ERICH3: variants seen among roughly 807,000 people sequenced by gnomAD.
ERICH3 encodes the protein glutamate-rich protein 3.
Under a neutral mutation model 131.1 loss-of-function variants are expected in ERICH3, and 126 were observed. The ratio of observed to expected loss-of-function variants is 0.96; its 90% confidence interval spans 0.83 to 1.11. The LOEUF (loss-of-function observed/expected upper bound fraction) is 1.11. Ranked by LOEUF, ERICH3 falls within the 50% of genes most tolerant of loss-of-function variation. The pLI is 0.00. For synonymous variants in ERICH3, 695 were observed against 644.6 expected, an observed-to-expected ratio of 1.08 and a Z score of -1.18; for missense variants, 2,050 against 1,810.7, an observed-to-expected ratio of 1.13 and a Z score of -2.40.
At chr1:74,582,929 A>ATT (rs76381263) in intron 12 of ERICH3, among the ~76,000 whole-genome samples, 2 of 151,894 alleles carry the variant, frequency 1.3e-5, no homozygotes, top group East Asian at 3.9e-4. Flanking sequence ...CTCTTTTCTG[A>ATT]TTTTTTTGTA....
At chr1:74,598,522 G>T (rs1647963133) in intron 11 of ERICH3, among the ~76,000 whole-genome samples, 1 of 151,704 alleles carries the variant, frequency 6.6e-6, no homozygotes, top group Non-Finnish European at 1.5e-5. Flanking sequence ...AAAAAAAATT[G>T]AATGAAAGCA....
intron 6 of ERICH3, 32 bp downstream of exon 6, chr1:74,636,248 A>T: frequency 6.6e-7 from 1 of 1,520,420 alleles, no homozygotes; most frequent in Non-Finnish European, 8.9e-7. Flanking sequence ...CTCAAAAATT[A>T]AAATATATTT....
chr1:74,620,718 C>T lies in ERICH3; in HGVS notation c.1000+16G>A. On this transcript the variant is annotated intron_variant, in intron 8 of 14. Coordinates refer to ENST00000326665, the MANE Select transcript of ERICH3 (RefSeq NM_001002912.5). ...CAACTCCAAGCAATTAAAAAACATT[C>T]ACATTTTATGTGTACCTTTTTCAAG... The T allele has an allele frequency of 1.9e-6, 3 of 1,560,922 alleles. No individual in the cohort carries two copies. Among genetic ancestry groups the T allele is most frequent in the Non-Finnish European group, 2.6e-6 (3 of 1,153,892 alleles).
Position 74,571,271 on chromosome 1 carries a change from C to A in ERICH3, c.4439G>T (p.Arg1480Leu). 6.2e-7 allele frequency: 1 copy of A among 1,614,098 alleles called. No individual in the cohort carries two copies. The highest frequency in any genetic ancestry group is 8.5e-7 in the Non-Finnish European group (1 of 1,180,008). ...AAEKFRLGLS[R>L]EGERELSPES... ...CGGACTCAATTCCCTCTCTCCCTCC[C>A]GTGATAATCCTAATCGGAATTTTTC... The change falls in exon 14 of 15, where the codon CGG (arginine) becomes CTG (leucine). Residue 1480 changes from arginine (R) to leucine (L), a missense_variant. Transcript: ENST00000326665.
chr1:74,635,577 T>C lies in ERICH3; in HGVS notation c.603+703A>G, dbSNP rs1042527830. 2.0e-5 allele frequency among the ~76,000 whole-genome samples: 3 copies of C among 152,136 alleles called. No homozygotes were observed. The East Asian group carries it at 5.8e-4, about 29-fold the overall frequency. On this transcript the variant is annotated intron_variant, in intron 6 of 14. Transcript: ENST00000326665. Reference sequence around the variant, plus strand: ...CAATTGTACTCATGTCGCAGGTTTTTTCTTAAGCTGGCAAAATTTTCTTCA... The same window carrying C: ...CAATTGTACTCATGTCGCAGGTTTTCTCTTAAGCTGGCAAAATTTTCTTCA...
upstream of ERICH3, among the ~76,000 whole-genome samples, chr1:74,674,175 T>C (rs912747679): frequency 2.0e-5 from 3 of 152,198 alleles, no homozygotes; most frequent in Non-Finnish European, 4.4e-5. Flanking sequence ...TACAATCGAC[T>C]CATTTTCTCC....
chr1:74,647,864 G>T (rs560601204), intron 2 of ERICH3, among the ~76,000 whole-genome samples: 1 of 152,212 alleles, frequency 6.6e-6, no homozygotes, highest in Admixed American at 6.5e-5. Context: ...GAAGAAAGAG[G>T]TATACCTATA....
At chr1:74,586,687 A>G (rs1250778002) in intron 12 of ERICH3, among the ~76,000 whole-genome samples, 1 of 152,288 alleles carries the variant, frequency 6.6e-6, no homozygotes, top group Admixed American at 6.5e-5. Context: ...AGTAAGAAAA[A>G]ATATAAATGT....
rs548494872 is a variant in ERICH3 at position 74,660,706 on chromosome 1, A to ATATATAATATATATATAATATG, written c.24-11392_24-11391insCATATTATATATATATTATATA. ...TATATAATATATATATTATGTGTGT[A>ATATATAATATATATATAATATG]TATATACATATACACATAAATACTT... On this transcript the variant is annotated intron_variant, in intron 1 of 14. Coordinates refer to ENST00000326665, the MANE Select transcript of ERICH3 (RefSeq NM_001002912.5). 7.5e-4 allele frequency among the ~76,000 whole-genome samples: 112 copies of ATATATAATATATATATAATATG among 149,492 alleles called. 1 individual carries two copies. In the East Asian group the frequency reaches 0.021, roughly 27 times the overall value.
intron 1 of ERICH3, among the ~76,000 whole-genome samples, chr1:74,651,669 T>C (rs761199394): frequency 6.6e-6 from 1 of 152,280 alleles, no homozygotes; most frequent in East Asian, 1.9e-4. Flanking sequence ...ATATCATATA[T>C]AGTCTTTTGT....
rs758775130 is a variant in ERICH3 at position 74,590,098 on chromosome 1, G to T, written c.1727-18C>A. The stretch of plus-strand genomic sequence containing the variant: ...TTTCATATCTACAAAAAATAAAAGT[G>T]ATGACATTGTTGTTGTTCTGTAAAG... On this transcript the variant is annotated intron_variant, in intron 11 of 14. Coordinates refer to ENST00000326665, the MANE Select transcript of ERICH3 (RefSeq NM_001002912.5). The T allele has an allele frequency of 1.9e-6, 3 of 1,540,004 alleles. No individual in the cohort carries two copies. Among genetic ancestry groups the T allele is most frequent in the African/African-American group, 2.8e-5 (2 of 72,316 alleles).
At position 74,581,857 on chromosome 1, in the gene ERICH3, G is replaced by A. The variant is rs528545682; in HGVS notation, c.2177-4921C>T. Among the ~76,000 whole-genome samples, 49 of 152,250 alleles carry A rather than the reference G, an allele frequency of 3.2e-4. No individual in the cohort carries two copies. The South Asian group carries it at 9.5e-3, about 30-fold the overall frequency. On this transcript the variant is annotated intron_variant, in intron 12 of 14. Coordinates refer to ENST00000326665, the MANE Select transcript of ERICH3 (RefSeq NM_001002912.5). ...TGGGATGCAGATTTTCCTCAAAAACGTTAAGCTGAAATAGTTTCCAATTCC... is the reference window on the plus strand; with the variant it reads ...TGGGATGCAGATTTTCCTCAAAAACATTAAGCTGAAATAGTTTCCAATTCC...
chr1:74,664,111 G>A (rs528713897), intron 1 of ERICH3, among the ~76,000 whole-genome samples: 4 of 152,026 alleles, frequency 2.6e-5, no homozygotes, highest in Non-Finnish European at 5.9e-5. Flanking sequence ...CTTAGAAGCA[G>A]CTCTTTAAGT....
chr1:74,665,963 G>A (rs1646688172), intron 1 of ERICH3, among the ~76,000 whole-genome samples: 1 of 152,080 alleles, frequency 6.6e-6, no homozygotes, highest in Non-Finnish European at 1.5e-5. Context: ...GAAGAAATAA[G>A]GGACATCTTT....
At chr1:74,664,682 A>G (rs1646672847) in intron 1 of ERICH3, among the ~76,000 whole-genome samples, 5 of 152,074 alleles carry the variant, frequency 3.3e-5, no homozygotes, top group Admixed American at 2.6e-4. Flanking sequence ...TGCCCTGAGA[A>G]TTTTCATTAA....
rs552305210 is a variant in ERICH3, at chr1:74,572,181, C to T, written c.3529G>A (p.Gly1177Arg). The T allele has an allele frequency of 3.3e-5, 54 of 1,613,674 alleles. No individual in the cohort carries two copies. In the East Asian group the frequency reaches 1.1e-3, roughly 33 times the overall value. ...LENITALRKEGGGERLSEARD... is the reference protein window; with the variant it reads ...LENITALRKERGGERLSEARD... ...GCTTCACTCAGTCTTTCCCCTCCTC[C>T]TTCTTTCCTCAGAGCTGTTATGTTT... is the stretch of plus-strand genomic sequence containing the variant. The change falls in exon 14 of 15, where the codon GGA becomes AGA. Residue 1177 changes from glycine to arginine, a missense_variant. Physicochemically the swap from Gly to Arg is moderately radical, Grantham distance 125 (BLOSUM62 -2). Coordinates refer to ENST00000326665, the MANE Select transcript of ERICH3 (RefSeq NM_001002912.5).
At chr1:74,609,757 T>C (rs1648595624) in intron 9 of ERICH3, among the ~76,000 whole-genome samples, 2 of 152,110 alleles carry the variant, frequency 1.3e-5, no homozygotes, top group South Asian at 4.1e-4. Flanking sequence ...TTGAAAACCA[T>C]TCTTCTATAA....
intron 1 of ERICH3, among the ~76,000 whole-genome samples, chr1:74,660,411 T>C (rs1022570307): frequency 6.6e-6 from 1 of 151,688 alleles, no homozygotes; most frequent in African/African-American, 2.4e-5. Flanking sequence ...GCAGTTACCA[T>C]TGTGTGTCAA....
intron 1 of ERICH3, among the ~76,000 whole-genome samples, chr1:74,666,340 C>G (rs1021541230): frequency 6.6e-6 from 1 of 152,172 alleles, no homozygotes; most frequent in Non-Finnish European, 1.5e-5. Flanking sequence ...TATATCTACA[C>G]TCTTCAATGT....
Sources: allele counts gnomAD v4.1 joint callset (sites outside exome capture counted in the v4.1 genomes callset), GRCh38; gene constraint gnomAD v4.1.1; transcripts MANE v1.5; gene names NCBI Gene and HGNC (gene_info 2026-07-23, HGNC 2026-07-21).